Variants in CELF4 observed in about 807,000 individuals in gnomAD.
CELF4 encodes CUGBP Elav-like family member 4, also known as CUG-BP- and ETR-3-like factor 4.
CELF4 carries 18 observed loss-of-function variants against 59.9 expected under a neutral mutation model. That is an observed-to-expected ratio of 0.30 (90% CI 0.21 to 0.45). The LOEUF is 0.45. Among genes scored for constraint, CELF4 ranks in the 20% least tolerant of loss-of-function variants. The probability of loss-of-function intolerance (pLI) is 1.00; values close to 1 mark genes in which losing one functional copy is unlikely to be tolerated. For synonymous variants in CELF4, 261 were observed against 267.1 expected, an observed-to-expected ratio of 0.98 and a Z score of 0.22; for missense variants, 456 against 689.0, an observed-to-expected ratio of 0.66 and a Z score of 3.79.
chr18:37,510,221 C>T (rs955306885), intron 1 of CELF4, among the ~76,000 whole-genome samples: 3 of 152,176 alleles, frequency 2.0e-5, no homozygotes, highest in Non-Finnish European at 4.4e-5. Context: ...AACAACTTTA[C>T]CCTCCTCCTG....
At chr18:37,266,894 G>A (rs1421515800) in intron 8 of CELF4, among the ~76,000 whole-genome samples, 1 of 152,066 alleles carries the variant, frequency 6.6e-6, no homozygotes, top group Non-Finnish European at 1.5e-5. Flanking sequence ...TGGAGGGTTG[G>A]GGAGGAGATG....
intron 2 of CELF4, among the ~76,000 whole-genome samples, chr18:37,330,866 C>G (rs1218413016): frequency 6.6e-6 from 1 of 152,020 alleles, no homozygotes; most frequent in African/African-American, 2.4e-5. Context: ...GCGCGTTGCA[C>G]CTTTGGATTA....
chr18:37,357,288 CTGCTCCAG>C (rs1171226549), intron 2 of CELF4, among the ~76,000 whole-genome samples: 2 of 152,312 alleles, frequency 1.3e-5, no homozygotes, highest in African/African-American at 4.8e-5. Flanking sequence ...TGCATCCTAG[CTGCTCCAG>C]CTGGGGCTGA....
rs529927845 is a variant in CELF4, at chr18:37,528,210, T to C, written c.286+37146A>G. On this transcript the variant is annotated intron_variant, in intron 1 of 12. Coordinates refer to ENST00000420428, the MANE Select transcript of CELF4 (RefSeq NM_020180.4). ...GTAAGGAGTTTGAGGAAACAGAAAA[T>C]CCAACAAAGAAAATTTAATGGGAGC... is the stretch of plus-strand genomic sequence containing the variant. Among the ~76,000 whole-genome samples the C allele has an allele frequency of 3.3e-5, 5 of 152,256 alleles. No individual in the cohort carries two copies. In the East Asian group the frequency reaches 9.6e-4, roughly 29 times the overall value.
intron 3 of CELF4, among the ~76,000 whole-genome samples, chr18:37,320,287 G>A (rs1325005732): frequency 7.8e-6 from 1 of 127,536 alleles, no homozygotes; most frequent in East Asian, 2.4e-4. Flanking sequence ...AGTGAGCCGA[G>A]ATCACACCAC....
intron 2 of CELF4, among the ~76,000 whole-genome samples, chr18:37,423,673 G>T (rs2099594277): frequency 6.6e-6 from 1 of 152,098 alleles, no homozygotes; most frequent in Non-Finnish European, 1.5e-5. Context: ...GACAGCCATG[G>T]CCTTGGTCTC....
intron 2 of CELF4, among the ~76,000 whole-genome samples, chr18:37,482,994 T>C (rs2099872531): frequency 6.6e-6 from 1 of 152,200 alleles, no homozygotes; most frequent in South Asian, 2.1e-4. Context: ...TAGTCAGACA[T>C]AGAGTGTGCT....
chr18:37,422,982 C>T (rs941801214), intron 2 of CELF4, among the ~76,000 whole-genome samples: 1 of 152,092 alleles, frequency 6.6e-6, no homozygotes, highest in Non-Finnish European at 1.5e-5. Flanking sequence ...TCTGCTTCTT[C>T]ATGGGGCTGG....
At chr18:37,384,874 C>T (rs1367833549) in intron 2 of CELF4, among the ~76,000 whole-genome samples, 2 of 152,172 alleles carry the variant, frequency 1.3e-5, no homozygotes, top group African/African-American at 4.8e-5. Context: ...TCCTGCCTGT[C>T]CCAGAGCCAC....
At chr18:37,432,143 T>C (rs1487771448) in intron 2 of CELF4, among the ~76,000 whole-genome samples, 1 of 152,214 alleles carries the variant, frequency 6.6e-6, no homozygotes, top group Non-Finnish European at 1.5e-5. Flanking sequence ...GCTGGGTCCT[T>C]AGCCTCCAGA....
At chr18:37,513,732 C>T (rs28707185) in intron 1 of CELF4, among the ~76,000 whole-genome samples, 27,429 of 152,116 alleles carry the variant, frequency 0.18, 2,619 homozygotes, top group South Asian at 0.24. Context: ...GGAATACCCT[C>T]CCTAGCACTT....
At chr18:37,292,491 G>T (rs2095403778) in intron 3 of CELF4, among the ~76,000 whole-genome samples, 1 of 152,202 alleles carries the variant, frequency 6.6e-6, no homozygotes, top group Non-Finnish European at 1.5e-5. Flanking sequence ...ACTGTGGGTG[G>T]AGGGGGTGTC....
In CELF4 at chr18:37,259,260, G is replaced by C; in HGVS notation, c.1254C>G (p.Pro418=). 1 of 1,573,176 alleles carries C rather than the reference G, an allele frequency of 6.4e-7. No individual in the cohort carries two copies. Among genetic ancestry groups the C allele is most frequent in the Non-Finnish European group, 8.7e-7 (1 of 1,149,382 alleles). Residue 418 remains proline (P), a synonymous_variant, in exon 11 of 13, where the codon CCC becomes CCG. Coordinates refer to ENST00000420428, the MANE Select transcript of CELF4 (RefSeq NM_020180.4). ...GGTAGATGAACAGGTTACAGCCCTC[G>C]GGCCCTGCGGTGAGGGGAGGGGGTG... ...PMIPQQQREG[P]EGCNLFIYHL...
At chr18:37,503,905 G>T (rs1210377878) in intron 1 of CELF4, among the ~76,000 whole-genome samples, 1 of 152,166 alleles carries the variant, frequency 6.6e-6, no homozygotes, top group Non-Finnish European at 1.5e-5. Context: ...CCCATCTGGA[G>T]TGGGTAAGTA....
chr18:37,302,255 A>G (rs1350580720), intron 3 of CELF4, among the ~76,000 whole-genome samples: 1 of 151,694 alleles, frequency 6.6e-6, no homozygotes, highest in East Asian at 1.9e-4. Context: ...CCCTTCTCCT[A>G]TCCTCTCCTG....
At chr18:37,551,095 A>G (rs1160999050) in intron 1 of CELF4, among the ~76,000 whole-genome samples, 1 of 152,054 alleles carries the variant, frequency 6.6e-6, no homozygotes, top group Non-Finnish European at 1.5e-5. Flanking sequence ...AGGCTGGATG[A>G]CTGGGAACTC....
intron 2 of CELF4, among the ~76,000 whole-genome samples, chr18:37,449,081 C>T (rs938635647): frequency 2.1e-4 from 32 of 152,218 alleles, no homozygotes; most frequent in African/African-American, 7.7e-4. Context: ...TGAGTCACAG[C>T]TTGCCAGTAG....
chr18:37,288,851 C>A (rs1473110438), intron 3 of CELF4, among the ~76,000 whole-genome samples: 1 of 152,066 alleles, frequency 6.6e-6, no homozygotes, highest in East Asian at 1.9e-4. Flanking sequence ...AACAGAGGAG[C>A]CTGTTCTCTG....
At chr18:37,306,723 C>T (rs566355698) in intron 3 of CELF4, among the ~76,000 whole-genome samples, 5 of 152,078 alleles carry the variant, frequency 3.3e-5, no homozygotes, top group South Asian at 2.1e-4. Context: ...GAGCGGTGAG[C>T]GGATAAAAGG....
Sources: allele counts gnomAD v4.1 joint callset (sites outside exome capture counted in the v4.1 genomes callset), GRCh38; gene constraint gnomAD v4.1.1; transcripts MANE v1.5; gene names NCBI Gene and HGNC (gene_info 2026-07-23, HGNC 2026-07-21).